OSBPL10: variants seen among roughly 807,000 people sequenced by gnomAD.
OSBPL10 encodes the protein oxysterol-binding protein-related protein 10.
Under a neutral mutation model 81.7 loss-of-function variants are expected in OSBPL10, and 49 were observed. The ratio of observed to expected loss-of-function variants is 0.60; its 90% CI spans 0.48 to 0.76. The LOEUF (loss-of-function observed/expected upper bound fraction) is 0.76. Among genes scored for constraint, OSBPL10 ranks in the 30% least tolerant of loss-of-function variants. The pLI is 0.00. For missense variants in OSBPL10, 923 were observed against 987.8 expected, an observed-to-expected ratio of 0.93 and a Z score of 0.88; for synonymous variants, 419 against 383.6, an observed-to-expected ratio of 1.09 and a Z score of -1.08.
At chr3:32,002,882 A>T (rs955295725) in intron 2 of OSBPL10, among the ~76,000 whole-genome samples, 1 of 146,658 alleles carries the variant, frequency 6.8e-6, no homozygotes, top group Non-Finnish European at 1.5e-5. Context: ...AGTCCAAGCT[A>T]ATTTTTACTT....
chr3:31,808,313 T>C (rs1359628633), intron 4 of OSBPL10, among the ~76,000 whole-genome samples: 1 of 152,202 alleles, frequency 6.6e-6, no homozygotes. Flanking sequence ...GGAGAGGTGA[T>C]GGCCAGGAAA....
In OSBPL10 at chr3:31,664,204, G is replaced by T; in HGVS notation, c.2125C>A (p.Leu709Met). The change falls in exon 11 of 12, where the codon CTG becomes ATG. Residue 709 changes from leucine to methionine, a missense_variant. Around this residue, in one of 3 missense-constraint regions of OSBPL10, gnomAD observed 387 missense variants for 436.3 expected, o/e 0.89. Transcript: ENST00000396556. The part of the protein sequence containing the change: ...RNLWREVTRY[L>M]RLGDIDAATE... ...GCTGCGTCAATGTCCCCCAGCCGCA[G>T]GTATCGGGTCACCTCCCGCCAGAGG... is the stretch of plus-strand genomic sequence containing the variant. 6.2e-7 allele frequency: 1 copy of T among 1,612,882 alleles called. No homozygotes were observed. The highest frequency in any genetic ancestry group is 8.5e-7 in the Non-Finnish European group (1 of 1,180,026).
Position 31,668,806 on chromosome 3 carries a change from C to T in OSBPL10, c.1932G>A (p.Lys644=). The change falls in exon 10 of 12, where the codon AAG becomes AAA. Residue 644 remains lysine (K), a synonymous_variant. Coordinates refer to ENST00000396556, the MANE Select transcript of OSBPL10 (RefSeq NM_017784.5). ...AAACAATGGTGTTGGTTGGGTTGTG[C>T]TTCACTTCTGCGGTAACCCTGAATT... ...GKVHRVTAEV[K]HNPTNTIVCK... 1 of 1,610,516 alleles carries T rather than the reference C, an allele frequency of 6.2e-7. No homozygotes were observed. The highest frequency in any genetic ancestry group is 8.5e-7 in the Non-Finnish European group (1 of 1,177,762).
At chr3:31,925,157 A>G (rs9863515) in intron 1 of OSBPL10, among the ~76,000 whole-genome samples, 2,618 of 152,272 alleles carry the variant, frequency 0.017, 90 homozygotes, top group African/African-American at 0.056. Flanking sequence ...TTCAACATAT[A>G]GAACAGACTG....
At chr3:31,872,915 C>T (rs752464879) in intron 3 of OSBPL10, among the ~76,000 whole-genome samples, 16 of 152,306 alleles carry the variant, frequency 1.1e-4, no homozygotes, top group Non-Finnish European at 2.2e-4. Flanking sequence ...TGAGCCACCA[C>T]ATCCAGCCTC....
At chr3:31,783,871 TA>T (rs1315324406) in intron 4 of OSBPL10, among the ~76,000 whole-genome samples, 4 of 71,980 alleles carry the variant, frequency 5.6e-5, no homozygotes, top group Non-Finnish European at 8.4e-5. Context: ...AATGAATAAA[TA>T]AAAATTAAAA....
Position 31,804,863 on chromosome 3 carries a change from T to A in OSBPL10, c.729+25177A>T, listed in dbSNP as rs1280970468. On this transcript the variant is annotated intron_variant, in intron 4 of 11. Transcript: ENST00000396556. ...TACTAAATCTGCTTTGGTTTGCAAT[T>A]TTTTTTTAGCTGTTTAAATGGTCAA... Among the ~76,000 whole-genome samples the A allele has an allele frequency of 2.6e-5, 4 of 152,070 alleles. 1 individual carries two copies. The South Asian group carries it at 6.2e-4, about 24-fold the overall frequency.
chr3:31,988,856 G>A (rs1442295707), intron 2 of OSBPL10: 1 of 597,050 alleles, frequency 1.7e-6, no homozygotes, highest in Non-Finnish European at 2.9e-6. Flanking sequence ...CTGCAGCCAT[G>A]ACCCACAGCT....
At chr3:31,662,466 A>G in intron 11 of OSBPL10, 1 of 1,047,558 alleles carries the variant, frequency 9.5e-7, no homozygotes, top group South Asian at 3.7e-5. Context: ...GGGAAAGAAA[A>G]GGCAAGGGTG....
intron 1 of OSBPL10, among the ~76,000 whole-genome samples, chr3:31,942,151 T>C (rs1378076107): frequency 1.3e-5 from 2 of 152,144 alleles, no homozygotes; most frequent in East Asian, 3.9e-4. Context: ...GGCAGGCACC[T>C]GTAGTCCCAA....
chr3:32,072,946 C>A (rs531413557), intron 1 of OSBPL10, among the ~76,000 whole-genome samples: 1 of 152,210 alleles, frequency 6.6e-6, no homozygotes, highest in South Asian at 2.1e-4. Context: ...ATCACCCAAG[C>A]AGTTTCTCAG....
intron 1 of OSBPL10, among the ~76,000 whole-genome samples, chr3:31,935,081 G>C (rs2125727953): frequency 6.6e-6 from 1 of 152,284 alleles, no homozygotes; most frequent in East Asian, 1.9e-4. Context: ...AAATGGGAAA[G>C]TTGTGTGCCA....
chr3:31,745,684 T>C (rs764088734), intron 5 of OSBPL10, among the ~76,000 whole-genome samples: 1 of 152,146 alleles, frequency 6.6e-6, no homozygotes, highest in Admixed American at 6.5e-5. Context: ...TGGGTGGTCT[T>C]GGGCAAGTTG....
intron 1 of OSBPL10, among the ~76,000 whole-genome samples, chr3:31,890,466 AG>A (rs1695861635): frequency 6.6e-6 from 1 of 152,102 alleles, no homozygotes; most frequent in Admixed American, 6.6e-5. Context: ...GGCATTATGA[AG>A]GTGCTCACTT....
At chr3:32,076,468 C>G (rs1575097539) in intron 1 of OSBPL10, among the ~76,000 whole-genome samples, 1 of 152,016 alleles carries the variant, frequency 6.6e-6, no homozygotes, top group African/African-American at 2.4e-5. Context: ...TCACACAAAG[C>G]CTGTTTGGTG....
intron 1 of OSBPL10, among the ~76,000 whole-genome samples, chr3:31,971,708 G>C (rs1698571596): frequency 6.6e-6 from 1 of 152,164 alleles, no homozygotes; most frequent in African/African-American, 2.4e-5. Context: ...TAATTATAGG[G>C]AAAGGATGAT....
At chr3:31,725,536 G>C (rs13082789) in intron 6 of OSBPL10, among the ~76,000 whole-genome samples, 1 of 152,058 alleles carries the variant, frequency 6.6e-6, no homozygotes, top group African/African-American at 2.4e-5. Flanking sequence ...CCCATGATGA[G>C]AGACCCTCAC....
At chr3:31,893,417 T>C (rs887069650) in intron 1 of OSBPL10, among the ~76,000 whole-genome samples, 2 of 152,054 alleles carry the variant, frequency 1.3e-5, no homozygotes, top group African/African-American at 2.4e-5. Flanking sequence ...CAATGACAAA[T>C]GGTAAGGATA....
chr3:31,676,645 T>A (rs1056959942), intron 8 of OSBPL10, among the ~76,000 whole-genome samples: 1 of 152,362 alleles, frequency 6.6e-6, no homozygotes, highest in East Asian at 1.9e-4. Context: ...CCCGGCAGCA[T>A]TGGCACTCAC....
Sources: allele counts gnomAD v4.1 joint callset (sites outside exome capture counted in the v4.1 genomes callset), GRCh38; gene constraint gnomAD v4.1.1; regional missense constraint gnomAD v4.1.1; transcripts MANE v1.5; gene names NCBI Gene and HGNC (gene_info 2026-07-23, HGNC 2026-07-21).